PARD3: variants seen among roughly 807,000 people sequenced by gnomAD.
PARD3 encodes the protein partitioning defective 3 homolog.
In PARD3, 75 loss-of-function variants were observed where a neutral mutation model predicts 155.4. The observed-to-expected ratio is 0.48, with a 90% CI of 0.40 to 0.58. The LOEUF (loss-of-function observed/expected upper bound fraction) is 0.58, where lower values mean the gene tolerates loss of function less well. PARD3 is among the 20% of genes least tolerant of loss of function. The pLI, the probability that PARD3 is intolerant of heterozygous loss-of-function variation, is 0.00. For synonymous variants in PARD3, 576 were observed against 610.5 expected, an observed-to-expected ratio of 0.94 and a Z score of 0.83; for missense variants, 1,642 against 1,721.7, an observed-to-expected ratio of 0.95 and a Z score of 0.82.
intron 3 of PARD3, among the ~76,000 whole-genome samples, chr10:34,474,841 G>A (rs1480680233): frequency 6.6e-6 from 1 of 152,142 alleles, no homozygotes; most frequent in African/African-American, 2.4e-5. Flanking sequence ...ATTATGCACT[G>A]AGAAATCATA....
chr10:34,167,692 T>G (rs1031035271), intron 22 of PARD3, among the ~76,000 whole-genome samples: 1 of 152,160 alleles, frequency 6.6e-6, no homozygotes, highest in Non-Finnish European at 1.5e-5. Flanking sequence ...TGCTTAAGGG[T>G]AGTTTTTTCT....
chr10:34,480,016 T>A (rs1389858902), intron 3 of PARD3, among the ~76,000 whole-genome samples: 1 of 152,250 alleles, frequency 6.6e-6, no homozygotes, highest in Non-Finnish European at 1.5e-5. Context: ...GAAGGCTGAA[T>A]AAGCCTGCCT....
chr10:34,381,275 A>T (rs1226454085), intron 9 of PARD3, among the ~76,000 whole-genome samples: 2 of 152,232 alleles, frequency 1.3e-5, no homozygotes, highest in Non-Finnish European at 2.9e-5. Context: ...TGACCTGAGG[A>T]AATAATGAAC....
At chr10:34,557,091 T>C (rs761586372) in intron 2 of PARD3, among the ~76,000 whole-genome samples, 1 of 152,174 alleles carries the variant, frequency 6.6e-6, no homozygotes. Flanking sequence ...GAGAGGAATG[T>C]CAACCATGTA....
chr10:34,340,032 T>C (rs1242669541), intron 16 of PARD3, among the ~76,000 whole-genome samples: 2 of 152,198 alleles, frequency 1.3e-5, no homozygotes, highest in African/African-American at 2.4e-5. Flanking sequence ...CTGGAAAAGC[T>C]TGCATTTTCT....
At position 34,243,741 on chromosome 10, in the gene PARD3, C is replaced by T. The variant is rs570227314; in HGVS notation, c.3419+25916G>A. ...AGGAGAATTGCTTGAACCCAGGAGG[C>T]GGAGGTTACAGTAAGCCAAGATTGT... On this transcript the variant is annotated intron_variant, in intron 22 of 24. Transcript: ENST00000374788. Among the ~76,000 whole-genome samples the T allele has an allele frequency of 2.6e-5, 4 of 152,188 alleles. No homozygotes were observed. In the South Asian group the frequency reaches 6.2e-4, roughly 24 times the overall value.
At chr10:34,493,829 G>A (rs770033436) in intron 3 of PARD3, among the ~76,000 whole-genome samples, 4 of 151,790 alleles carry the variant, frequency 2.6e-5, no homozygotes, top group South Asian at 2.1e-4. Flanking sequence ...CTTCACGTTC[G>A]AATTATTTTA....
chr10:34,134,598 T>C (rs1024847908), intron 22 of PARD3, among the ~76,000 whole-genome samples: 2 of 152,236 alleles, frequency 1.3e-5, no homozygotes, highest in African/African-American at 4.8e-5. Flanking sequence ...CTGCCCTTGT[T>C]TCCAAATCTG....
chr10:34,354,503 C>G (rs1308414597), intron 14 of PARD3, among the ~76,000 whole-genome samples: 1 of 152,160 alleles, frequency 6.6e-6, no homozygotes, highest in Non-Finnish European at 1.5e-5. Flanking sequence ...CAAGCCCTGG[C>G]AGTCTCAGAA....
At chr10:34,781,483 G>A (rs1371648590) in intron 1 of PARD3, among the ~76,000 whole-genome samples, 1 of 152,204 alleles carries the variant, frequency 6.6e-6, no homozygotes, top group African/African-American at 2.4e-5. Flanking sequence ...GGTTTAAAAG[G>A]AAAATGAACG....
intron 1 of PARD3, among the ~76,000 whole-genome samples, chr10:34,723,884 G>C (rs2094651084): frequency 6.6e-6 from 1 of 152,182 alleles, no homozygotes; most frequent in African/African-American, 2.4e-5. Flanking sequence ...ACAGTGGAAG[G>C]GTGCCGCAGG....
At chr10:34,142,257 T>C (rs528906097) in intron 22 of PARD3, among the ~76,000 whole-genome samples, 72 of 152,200 alleles carry the variant, frequency 4.7e-4, no homozygotes, top group African/African-American at 1.4e-3. Context: ...GAAAATAAAA[T>C]GTTGGCTGGG....
At chr10:34,410,055 T>C (rs1844893288) in intron 5 of PARD3, among the ~76,000 whole-genome samples, 1 of 152,162 alleles carries the variant, frequency 6.6e-6, no homozygotes, top group South Asian at 2.1e-4. Flanking sequence ...CTAATTGAAG[T>C]ACTCAGAAAA....
chr10:34,428,035 G>A (rs2075712482), intron 5 of PARD3, among the ~76,000 whole-genome samples: 2 of 152,084 alleles, frequency 1.3e-5, no homozygotes, highest in Admixed American at 6.5e-5. Flanking sequence ...CTCTTGCAAG[G>A]TGAGCAACTC....
At chr10:34,299,101 A>G (rs900456966) in intron 20 of PARD3, among the ~76,000 whole-genome samples, 4 of 152,228 alleles carry the variant, frequency 2.6e-5, no homozygotes, top group Non-Finnish European at 5.9e-5. Context: ...TCAGTCTTAT[A>G]GTCCCCAACA....
intron 1 of PARD3, among the ~76,000 whole-genome samples, chr10:34,762,972 G>A (rs1837642550): frequency 6.6e-6 from 1 of 152,188 alleles, no homozygotes; most frequent in South Asian, 2.1e-4. Flanking sequence ...TCCATACACT[G>A]AGAATTTTCA....
chr10:34,145,450 C>T (rs1443351044), intron 22 of PARD3, among the ~76,000 whole-genome samples: 1 of 151,294 alleles, frequency 6.6e-6, no homozygotes, highest in Non-Finnish European at 1.5e-5. Flanking sequence ...ATTGGACCTC[C>T]CAGAATGAAC....
chr10:34,743,036 T>C (rs1285443811), intron 1 of PARD3, among the ~76,000 whole-genome samples: 1 of 152,234 alleles, frequency 6.6e-6, no homozygotes, highest in East Asian at 1.9e-4. Context: ...ATTCATTGGA[T>C]TATAAATTCA....
intron 3 of PARD3, chr10:34,488,785 T>A (rs1308559023): frequency 6.5e-6 from 1 of 154,680 alleles, no homozygotes; most frequent in South Asian, 2.0e-4. Flanking sequence ...CTGCTGAGGA[T>A]GCCCTCGACG....
Sources: gnomAD v4.1 joint callset for allele counts (sites outside exome capture counted in the v4.1 genomes callset) on GRCh38, gnomAD v4.1.1 for gene constraint, MANE v1.5 for transcripts, NCBI Gene and HGNC (gene_info 2026-07-23, HGNC 2026-07-21) for gene names.